The following SLC35F3 variants were observed in gnomAD, a reference collection of about 807,000 sequenced individuals.
SLC35F3 encodes the protein putative thiamine transporter SLC35F3.
Under a neutral mutation model 49.9 loss-of-function variants are expected in SLC35F3, and 25 were observed. The ratio of observed to expected loss-of-function variants is 0.50; its 90% CI spans 0.37 to 0.70. The LOEUF (loss-of-function observed/expected upper bound fraction) is 0.70, where lower values mean the gene tolerates loss of function less well. SLC35F3 is among the 30% of genes least tolerant of loss of function. The pLI is 0.00. For missense variants in SLC35F3, 525 were observed against 639.8 expected, an observed-to-expected ratio of 0.82 and a Z score of 1.94; for synonymous variants, 275 against 265.4, an observed-to-expected ratio of 1.04 and a Z score of -0.35.
At chr1:234,018,176 G>A (rs1663833739) in intron 2 of SLC35F3, among the ~76,000 whole-genome samples, 1 of 152,056 alleles carries the variant, frequency 6.6e-6, no homozygotes. Context: ...ATTGATCTGG[G>A]GATAGACATA....
chr1:233,944,809 G>A (rs1662486386), intron 2 of SLC35F3, among the ~76,000 whole-genome samples: 1 of 152,124 alleles, frequency 6.6e-6, no homozygotes, highest in South Asian at 2.1e-4. Flanking sequence ...TTGCCAAGAA[G>A]CTTGTAAAAC....
chr1:234,013,182 T>C (rs879286409), intron 2 of SLC35F3, among the ~76,000 whole-genome samples: 1 of 152,066 alleles, frequency 6.6e-6, no homozygotes, highest in Admixed American at 6.5e-5. Context: ...ACAGGAGAAA[T>C]CTTGGAAAAT....
At chr1:234,152,596 A>G (rs766208284) in intron 2 of SLC35F3, among the ~76,000 whole-genome samples, 3 of 152,184 alleles carry the variant, frequency 2.0e-5, no homozygotes, top group African/African-American at 4.8e-5. Flanking sequence ...CGTGGTGTAT[A>G]TATGCCACAT....
At chr1:234,254,763 T>G (rs1240042397) in intron 3 of SLC35F3, among the ~76,000 whole-genome samples, 2 of 152,224 alleles carry the variant, frequency 1.3e-5, no homozygotes, top group African/African-American at 4.8e-5. Context: ...AATAAATTAT[T>G]AACCAGTTTG....
chr1:233,907,764 G>A (rs1661799741), intron 2 of SLC35F3, among the ~76,000 whole-genome samples: 2 of 152,024 alleles, frequency 1.3e-5, no homozygotes, highest in African/African-American at 4.8e-5. Flanking sequence ...TGTCACCCAG[G>A]CTGGAGTGTA....
chr1:233,962,231 C>T (rs541781655), intron 2 of SLC35F3, among the ~76,000 whole-genome samples: 1 of 152,260 alleles, frequency 6.6e-6, no homozygotes, highest in African/African-American at 2.4e-5. Flanking sequence ...TGTATGTTTG[C>T]TTAACTTTGA....
At chr1:233,912,351 A>G (rs781224209) in intron 2 of SLC35F3, among the ~76,000 whole-genome samples, 3 of 151,980 alleles carry the variant, frequency 2.0e-5, no homozygotes, top group East Asian at 1.9e-4. Context: ...GGTGGTGGGC[A>G]CCTGTAATCC....
At chr1:234,105,862 G>T (rs1164936371) in intron 2 of SLC35F3, among the ~76,000 whole-genome samples, 1 of 152,138 alleles carries the variant, frequency 6.6e-6, no homozygotes, top group Non-Finnish European at 1.5e-5. Context: ...TGGAGATGAG[G>T]CATGTTACTT....
chr1:234,015,717 A>T (rs1398535826), intron 2 of SLC35F3, among the ~76,000 whole-genome samples: 2 of 152,178 alleles, frequency 1.3e-5, no homozygotes, highest in Admixed American at 1.3e-4. Context: ...TAAGAAGAAG[A>T]CATAGGGGAA....
intron 2 of SLC35F3, among the ~76,000 whole-genome samples, chr1:234,207,233 G>T (rs1349690121): frequency 6.6e-6 from 1 of 151,728 alleles, no homozygotes; most frequent in African/African-American, 2.4e-5. Flanking sequence ...GAGAGATACA[G>T]AGACCTGAGC....
At chr1:234,105,939 GC>G (rs1337126401) in intron 2 of SLC35F3, among the ~76,000 whole-genome samples, 1 of 152,132 alleles carries the variant, frequency 6.6e-6, no homozygotes, top group Admixed American at 6.5e-5. Flanking sequence ...TACAATATCA[GC>G]CACGTTCCAG....
At chr1:234,091,755 C>T (rs895383121) in intron 2 of SLC35F3, among the ~76,000 whole-genome samples, 1 of 152,116 alleles carries the variant, frequency 6.6e-6, no homozygotes, top group South Asian at 2.1e-4. Flanking sequence ...TTGCTTTTTT[C>T]ACTCACTGTG....
chr1:234,211,023 C>T lies in SLC35F3; in HGVS notation c.284-20394C>T, dbSNP rs114804204. On this transcript the variant is annotated intron_variant, in intron 2 of 7. Transcript: ENST00000366618. ...GCCTAGGGACTTTGTGCCCTGCATC[C>T]GAGCTGCTCCAGCAGTAGCTGAAAG... Among the ~76,000 whole-genome samples the T allele has an allele frequency of 8.3e-3, 1,260 of 152,340 alleles. 9 individuals carry two copies. Among genetic ancestry groups the T allele is most frequent in the Non-Finnish European group, 0.013 (860 of 68,038 alleles).
chr1:234,259,036 C>T (rs1362661811), intron 3 of SLC35F3, among the ~76,000 whole-genome samples: 3 of 152,156 alleles, frequency 2.0e-5, no homozygotes, highest in Non-Finnish European at 2.9e-5. Context: ...GAGTAAAAAC[C>T]ACTTCTTATG....
chr1:234,165,917 C>T (rs1435104762), intron 2 of SLC35F3, among the ~76,000 whole-genome samples: 1 of 152,164 alleles, frequency 6.6e-6, no homozygotes, highest in Non-Finnish European at 1.5e-5. Context: ...GCACTCATAG[C>T]TTAGCTTCCA....
intron 2 of SLC35F3, among the ~76,000 whole-genome samples, chr1:234,149,457 C>T (rs187581874): frequency 7.8e-4 from 119 of 152,264 alleles, no homozygotes; most frequent in Non-Finnish European, 6.0e-4. Context: ...TGGGGATATT[C>T]CAAGTGGCTG....
At chr1:234,148,998 A>G (rs568351436) in intron 2 of SLC35F3, among the ~76,000 whole-genome samples, 3 of 152,322 alleles carry the variant, frequency 2.0e-5, no homozygotes, top group African/African-American at 7.2e-5. Flanking sequence ...TATTTAGTAT[A>G]TGTGAAGTTT....
chr1:233,917,192 G>A (rs759276269), intron 2 of SLC35F3, among the ~76,000 whole-genome samples: 4 of 152,134 alleles, frequency 2.6e-5, no homozygotes, highest in Non-Finnish European at 4.4e-5. Flanking sequence ...TCCCGTAAAT[G>A]TCTCTTTTTG....
chr1:234,187,677 G>A (rs1253226447), intron 2 of SLC35F3, among the ~76,000 whole-genome samples: 4 of 152,198 alleles, frequency 2.6e-5, no homozygotes, highest in Admixed American at 6.5e-5. Flanking sequence ...CATGGGAGAA[G>A]GATTTGAGCT....
Sources: allele counts gnomAD v4.1 joint callset (sites outside exome capture counted in the v4.1 genomes callset), GRCh38; gene constraint gnomAD v4.1.1; transcripts MANE v1.5; gene names NCBI Gene and HGNC (gene_info 2026-07-23, HGNC 2026-07-21).